Variants in SPON1 observed in about 807,000 individuals in gnomAD.
SPON1 encodes spondin 1.
In SPON1, 52 loss-of-function variants were observed where a neutral mutation model predicts 111.7. The ratio of observed to expected loss-of-function variants is 0.47; its 90% CI spans 0.37 to 0.59. SPON1 has a LOEUF of 0.59. SPON1 is among the 20% of genes least tolerant of loss of function. The pLI is 0.00. For synonymous variants in SPON1, 410 were observed against 395.8 expected (o/e 1.04, Z -0.43); for missense variants, 957 against 1,068.5 (o/e 0.90, Z 1.46).
chr11:14,250,938 G>A (rs1564941371), intron 7 of SPON1, among the ~76,000 whole-genome samples: 2 of 152,190 alleles, frequency 1.3e-5, no homozygotes, highest in African/African-American at 4.8e-5. Context: ...AACATTTGAA[G>A]AGAATCCATG....
intron 3 of SPON1, among the ~76,000 whole-genome samples, chr11:14,057,844 C>CAAACAAAAAAA (rs1554919408): frequency 1.7e-4 from 21 of 125,528 alleles, no homozygotes; most frequent in South Asian, 6.1e-4. Flanking sequence ...AAAAAAAAAA[C>CAAACAAAAAAA]AAAACAAAAA....
At chr11:14,190,801 C>T (rs1194204524) in intron 6 of SPON1, among the ~76,000 whole-genome samples, 6 of 151,846 alleles carry the variant, frequency 4.0e-5, no homozygotes, top group Non-Finnish European at 5.9e-5. Flanking sequence ...CCACCGTGCC[C>T]AGCTGATTTT....
At chr11:14,090,824 G>GCCCCCCCCCCCCCCCCCCCCCCCC (rs1176498162) in intron 5 of SPON1, among the ~76,000 whole-genome samples, 1 of 45,580 alleles carries the variant, frequency 2.2e-5, no homozygotes. Context: ...CTCTTATCTG[G>GCCCCCCCCCCCCCCCCCCCCCCCC]CCCCCCCCCC....
At chr11:14,200,809 T>G (rs1554935538) in intron 6 of SPON1, among the ~76,000 whole-genome samples, 1 of 87,452 alleles carries the variant, frequency 1.1e-5, no homozygotes, top group Non-Finnish European at 2.1e-5. Context: ...AGCAAGACCC[T>G]GTCTTAAAAA....
chr11:14,049,922 T>C (rs1486938162), intron 3 of SPON1, among the ~76,000 whole-genome samples: 1 of 152,200 alleles, frequency 6.6e-6, no homozygotes. Context: ...AAAATATTCT[T>C]AATTTCAAAA....
chr11:14,201,446 T>C (rs1848462996), intron 6 of SPON1, among the ~76,000 whole-genome samples: 1 of 151,968 alleles, frequency 6.6e-6, no homozygotes. Context: ...TCACCCAGGC[T>C]GGAGTGCAGT....
intron 7 of SPON1, among the ~76,000 whole-genome samples, chr11:14,248,408 C>G (rs1316890823): frequency 2.6e-5 from 4 of 151,732 alleles, no homozygotes; most frequent in Admixed American, 2.6e-4. Context: ...TTCTGAAAAA[C>G]TGAAATGAAT....
chr11:14,192,808 CTAGTCCAATA>C (rs1848361910), intron 6 of SPON1, among the ~76,000 whole-genome samples: 1 of 150,472 alleles, frequency 6.6e-6, no homozygotes, highest in Admixed American at 6.7e-5. Context: ...ACATCAAATT[CTAGTCCAATA>C]TAGTCCAAAC....
At chr11:14,137,335 G>A (rs148045284) in intron 6 of SPON1, among the ~76,000 whole-genome samples, 25 of 152,260 alleles carry the variant, frequency 1.6e-4, no homozygotes, top group African/African-American at 5.8e-4. Flanking sequence ...GCTGTGATTG[G>A]CTTGTATTAC....
intron 3 of SPON1, among the ~76,000 whole-genome samples, chr11:14,074,632 C>T (rs1414129406): frequency 1.3e-5 from 2 of 152,158 alleles, no homozygotes; most frequent in Admixed American, 6.5e-5. Context: ...GTATCCAACC[C>T]CTTCAAGGCC....
chr11:14,160,254 C>G (rs993719512), intron 6 of SPON1, among the ~76,000 whole-genome samples: 1 of 146,354 alleles, frequency 6.8e-6, no homozygotes, highest in Non-Finnish European at 1.5e-5. Flanking sequence ...CTGATAAACT[C>G]AGGATGTTTT....
At chr11:14,145,653 T>A (rs1223359620) in intron 6 of SPON1, among the ~76,000 whole-genome samples, 1 of 152,244 alleles carries the variant, frequency 6.6e-6, no homozygotes, top group Non-Finnish European at 1.5e-5. Context: ...ATTTTCCTTA[T>A]ACATCAACAT....
chr11:14,088,116 T>C (rs1252318088), intron 5 of SPON1, among the ~76,000 whole-genome samples: 9 of 152,246 alleles, frequency 5.9e-5, no homozygotes, highest in Non-Finnish European at 1.0e-4. Context: ...AATTGGAGCA[T>C]TTAGCCCATT....
intron 3 of SPON1, among the ~76,000 whole-genome samples, chr11:14,073,420 A>T (rs560444515): frequency 1.1e-4 from 17 of 152,208 alleles, no homozygotes; most frequent in African/African-American, 3.9e-4. Flanking sequence ...CAGATTTTAG[A>T]TTTTCAGATT....
intron 6 of SPON1, among the ~76,000 whole-genome samples, chr11:14,163,206 T>C (rs1247628509): frequency 6.6e-6 from 1 of 152,226 alleles, no homozygotes; most frequent in East Asian, 1.9e-4. Flanking sequence ...ATTGAATCTT[T>C]AGAACCCTAA....
At chr11:14,054,265 A>T (rs1848728528) in intron 3 of SPON1, among the ~76,000 whole-genome samples, 1 of 152,198 alleles carries the variant, frequency 6.6e-6, no homozygotes. Flanking sequence ...CATAAATGAA[A>T]ATCATTGTTA....
chr11:14,168,812 C>A (rs1364256271), intron 6 of SPON1, among the ~76,000 whole-genome samples: 2 of 152,146 alleles, frequency 1.3e-5, no homozygotes, highest in African/African-American at 4.8e-5. Flanking sequence ...TCATCCACGT[C>A]CCTACGAAGG....
At chr11:14,153,686 G>A (rs191142051) in intron 6 of SPON1, among the ~76,000 whole-genome samples, 1 of 152,260 alleles carries the variant, frequency 6.6e-6, no homozygotes, top group Admixed American at 6.5e-5. Flanking sequence ...ACACAGTCAT[G>A]CCTTCCCAAC....
At chr11:13,970,966 G>A (rs1848058786) in intron 1 of SPON1, among the ~76,000 whole-genome samples, 1 of 152,036 alleles carries the variant, frequency 6.6e-6, no homozygotes, top group Non-Finnish European at 1.5e-5. Context: ...ACAGTGCCTG[G>A]GCATAGCAGG....
Sources: gnomAD v4.1 joint callset for allele counts (sites outside exome capture counted in the v4.1 genomes callset) on GRCh38, gnomAD v4.1.1 for gene constraint, MANE v1.5 for transcripts, NCBI Gene and HGNC (gene_info 2026-07-23, HGNC 2026-07-21) for gene names.